TRIM67: variants seen among roughly 807,000 people sequenced by gnomAD.
TRIM67 encodes the protein tripartite motif-containing protein 67.
In TRIM67, 39 loss-of-function variants were observed where a neutral mutation model predicts 71.0. The ratio of observed to expected loss-of-function variants is 0.55; its 90% CI spans 0.43 to 0.72. TRIM67 has a LOEUF of 0.72. Ranked by LOEUF, TRIM67 falls within the 30% of genes least tolerant of loss-of-function variation. TRIM67 has a pLI of 0.00. For missense variants in TRIM67, 973 were observed against 1,079.2 expected, an observed-to-expected ratio of 0.90 and a Z score of 1.38; for synonymous variants, 481 against 473.9, an observed-to-expected ratio of 1.01 and a Z score of -0.19.
intron 1 of TRIM67, among the ~76,000 whole-genome samples, chr1:231,191,657 T>C (rs1683233304): frequency 6.6e-6 from 1 of 152,090 alleles, no homozygotes; most frequent in South Asian, 2.1e-4. Context: ...CTAGAAATAG[T>C]TAACACCCAG....
chr1:231,202,193 GGTGGTGGCT>G (rs1558304148), intron 5 of TRIM67, among the ~76,000 whole-genome samples: 12 of 5,944 alleles, frequency 2.0e-3, no homozygotes, highest in Non-Finnish European at 4.1e-3. Context: ...AAGAGGAGGA[GGTGGTGGCT>G]GAGATAGTGG....
chr1:231,197,554 G>A (rs972098675), intron 2 of TRIM67, 88 bp downstream of exon 2: 51 of 1,256,404 alleles, frequency 4.1e-5, no homozygotes, highest in African/African-American at 7.4e-5. Flanking sequence ...GGCGGGGCAC[G>A]GTGGCTCACA....
Position 231,163,919 on chromosome 1 carries a change from G to A in TRIM67, c.950G>A (p.Ser317Asn), listed in dbSNP as rs1350407566. 1 of 1,587,202 alleles carries A rather than the reference G, an allele frequency of 6.3e-7. No individual in the cohort carries two copies. The highest frequency in any genetic ancestry group is 1.2e-5 in the South Asian group (1 of 86,498). Residue 317 changes from serine to asparagine, a missense_variant, in exon 1 of 10, where the codon AGC becomes AAC. Transcript: ENST00000366653. ...GAGAACTACAGCATGTACTGCGTGA[G>A]CTGTCGAACCCCGGTGTGTTATCTG... ...EMENYSMYCVSCRTPVCYLCL... is the reference protein window; with the variant it reads ...EMENYSMYCVNCRTPVCYLCL...
intron 5 of TRIM67, among the ~76,000 whole-genome samples, chr1:231,202,130 G>GAAGGGGGTA (rs1683556230): frequency 7.2e-6 from 1 of 138,800 alleles, no homozygotes; most frequent in African/African-American, 3.0e-5. Flanking sequence ...TGGAGGAGGA[G>GAAGGGGGTA]ATGGAGGAGG....
chr1:231,186,087 T>G (rs1411219780), intron 1 of TRIM67: 2 of 1,533,156 alleles, frequency 1.3e-6, no homozygotes, highest in South Asian at 2.4e-5. Context: ...TCTCTCCTGA[T>G]AGGCGGCTGG....
At chr1:231,198,680 C>T (rs570611877) in intron 2 of TRIM67, among the ~76,000 whole-genome samples, 98 of 152,240 alleles carry the variant, frequency 6.4e-4, no homozygotes, top group Middle Eastern at 3.4e-3. Context: ...GCTGCCGCGC[C>T]GGGCCTGTTC....
At chr1:231,189,814 T>C (rs1683187180) in intron 1 of TRIM67, among the ~76,000 whole-genome samples, 1 of 151,914 alleles carries the variant, frequency 6.6e-6, no homozygotes, top group Admixed American at 6.6e-5. Context: ...GGATTCAACA[T>C]ATGAATCTGG....
chr1:231,171,565 A>G (rs1682619777), intron 1 of TRIM67, among the ~76,000 whole-genome samples: 1 of 152,156 alleles, frequency 6.6e-6, no homozygotes. Context: ...AACCTCAGGA[A>G]TAGCAGAGAA....
At chr1:231,168,680 A>G (rs1432022334) in intron 1 of TRIM67, among the ~76,000 whole-genome samples, 2 of 152,242 alleles carry the variant, frequency 1.3e-5, no homozygotes, top group Middle Eastern at 3.2e-3. Flanking sequence ...TAAAAAGAAG[A>G]TGACATGTAT....
Position 231,163,247 on chromosome 1 carries a change from G to A in TRIM67, c.278G>A (p.Gly93Glu), listed in dbSNP as rs1424401449. The A allele has an allele frequency of 5.3e-6, 8 of 1,508,284 alleles. No homozygotes were observed. Among genetic ancestry groups the A allele is most frequent in the Non-Finnish European group, 7.1e-6 (8 of 1,128,450 alleles). The allele number at this position is 1,508,284 out of a possible 1,614,324, so 93.4% of individuals were successfully genotyped here. The part of the protein sequence containing the change: ...SAAGGLGGGA[G>E]GGGDHADKLS... ...GCTGGCGGCCTCGGCGGCGGTGCGG[G>A]AGGTGGCGGAGACCACGCGGACAAG... The change falls in exon 1 of 10, where the codon GGA (glycine) becomes GAA (glutamate). Residue 93 changes from glycine to glutamate, a missense_variant. This residue lies in a region of TRIM67 where 795 missense variants were observed against 831.3 expected (regional missense o/e 0.96). Transcript: ENST00000366653.
chr1:231,213,848 G>C lies in TRIM67; in HGVS notation c.2157G>C (p.Val719=). Residue 719 remains valine (V), a synonymous_variant, in exon 9 of 10, where the codon GTG becomes GTC. Transcript: ENST00000366653. ...TEGGVCKGAT[V]GVLLDLNKHT... Reference sequence around the variant, plus strand: ...GTGGCGTGTGCAAGGGGGCCACCGTGGGCGTGCTGCTGGACCTGAATAAGC... The same window carrying C: ...GTGGCGTGTGCAAGGGGGCCACCGTCGGCGTGCTGCTGGACCTGAATAAGC... 6.2e-7 allele frequency: 1 copy of C among 1,611,014 alleles called. No individual in the cohort carries two copies. The highest frequency in any genetic ancestry group is 8.5e-7 in the Non-Finnish European group (1 of 1,178,130).
intron 1 of TRIM67, among the ~76,000 whole-genome samples, chr1:231,180,529 C>G (rs1242781852): frequency 6.6e-6 from 1 of 152,134 alleles, no homozygotes; most frequent in Non-Finnish European, 1.5e-5. Context: ...CTGTTCTACC[C>G]TAAGTCATAT....
intron 1 of TRIM67, among the ~76,000 whole-genome samples, chr1:231,195,683 C>T (rs1407807153): frequency 6.6e-6 from 1 of 152,216 alleles, no homozygotes; most frequent in Non-Finnish European, 1.5e-5. Context: ...CCACCTACTC[C>T]CTGTGTCTTT....
chr1:231,164,890 C>G (rs1436287099), intron 1 of TRIM67, among the ~76,000 whole-genome samples: 1 of 152,046 alleles, frequency 6.6e-6, no homozygotes, highest in Non-Finnish European at 1.5e-5. Context: ...GTATTATCTG[C>G]TATAATGAGC....
At chr1:231,200,515 C>G (rs1396689016) in intron 4 of TRIM67, among the ~76,000 whole-genome samples, 2 of 152,226 alleles carry the variant, frequency 1.3e-5, no homozygotes, top group Non-Finnish European at 2.9e-5. Flanking sequence ...GCAACATTTT[C>G]CCCAAAAGGA....
chr1:231,179,994 C>T (rs1682856476), intron 1 of TRIM67, among the ~76,000 whole-genome samples: 1 of 152,136 alleles, frequency 6.6e-6, no homozygotes, highest in African/African-American at 2.4e-5. Context: ...TTCTCCTGTG[C>T]CTTTGTGACA....
chr1:231,209,337 C>T lies in TRIM67; in HGVS notation c.2123+87C>T. The T allele has an allele frequency of 7.2e-7, 1 of 1,386,240 alleles. No individual in the cohort carries two copies. Among genetic ancestry groups the T allele is most frequent in the Non-Finnish European group, 9.6e-7 (1 of 1,044,706 alleles). 85.9% of individuals were successfully genotyped at this position (1,386,240 alleles called of 1,614,324 possible). ...AGACCAGTGTCCCTTCTGCTGTCCC[C>T]AAAGCCAGGAGGAATTGAGAGGAGG... On this transcript the variant is annotated intron_variant, in intron 8 of 9. Transcript: ENST00000366653. This position sits in a 1 kb window ranked among gnomAD's most constrained non-coding sequence, Gnocchi z 4.1.
chr1:231,215,477 C>A lies in TRIM67; in HGVS notation c.*37C>A. 6.4e-7 allele frequency: 1 copy of A among 1,555,890 alleles called. No homozygotes were observed. The highest frequency in any genetic ancestry group is 8.7e-7 in the Non-Finnish European group (1 of 1,146,012). ...CTCGGCACTGTGCCTGTGACAGTGA[C>A]ATTCACAGGCAAAACGCCCACCATT... On this transcript the variant is annotated 3_prime_UTR_variant, in exon 10 of 10. Coordinates refer to ENST00000366653, the MANE Select transcript of TRIM67 (RefSeq NM_001004342.5).
intron 1 of TRIM67, among the ~76,000 whole-genome samples, chr1:231,170,228 C>T (rs964096408): frequency 7.9e-5 from 12 of 152,152 alleles, no homozygotes; most frequent in African/African-American, 1.9e-4. Context: ...TCAGGTGATC[C>T]GCCCACCTCT....
Sources: gnomAD v4.1 joint callset for allele counts (sites outside exome capture counted in the v4.1 genomes callset) on GRCh38, gnomAD v4.1.1 for gene constraint, gnomAD v4.1.1 regional missense constraint, Gnocchi (gnomAD v3.1) non-coding constraint, MANE v1.5 for transcripts, NCBI Gene and HGNC (gene_info 2026-07-23, HGNC 2026-07-21) for gene names.